Variants in CACNA2D3 observed in about 807,000 individuals in gnomAD.
CACNA2D3 encodes voltage-dependent calcium channel subunit alpha-2/delta-3.
A neutral mutation model predicts 160.6 loss-of-function variants in CACNA2D3; 60 were observed. The ratio of observed to expected loss-of-function variants is 0.37; its 90% confidence interval spans 0.30 to 0.46. CACNA2D3 has a LOEUF of 0.46. Among genes scored for constraint, CACNA2D3 ranks in the 20% least tolerant of loss-of-function variants. The pLI is 1.00. For missense variants in CACNA2D3, 1,205 were observed against 1,365.0 expected, an observed-to-expected ratio of 0.88 and a Z score of 1.85; for synonymous variants, 558 against 492.9, an observed-to-expected ratio of 1.13 and a Z score of -1.75.
At chr3:55,000,985 G>A (rs1324335592) in intron 31 of CACNA2D3, among the ~76,000 whole-genome samples, 1 of 152,174 alleles carries the variant, frequency 6.6e-6, no homozygotes, top group East Asian at 1.9e-4. Context: ...AATGATCTAT[G>A]TGAACTTGGG....
At chr3:54,912,501 C>G (rs1234456289) in intron 27 of CACNA2D3, among the ~76,000 whole-genome samples, 2 of 152,134 alleles carry the variant, frequency 1.3e-5, no homozygotes, top group African/African-American at 4.8e-5. Flanking sequence ...TCACACCAAC[C>G]TTGCTGCTAC....
chr3:55,073,875 GTTCCTGT>G lies in CACNA2D3; in HGVS notation c.3183+22_3183+28del. ...CCATCCTGAGGTAAGTCTGAGAACTGTTCCTGTTTCCTTTTCCCATCAGAATCACCAC... is the reference window on the plus strand; with the variant it reads ...CCATCCTGAGGTAAGTCTGAGAACTGTTCCTTTTCCCATCAGAATCACCAC... On this transcript the variant is annotated intron_variant, in intron 37 of 37. Transcript: ENST00000474759. 1 of 1,604,368 alleles carries G rather than the reference GTTCCTGT, an allele frequency of 6.2e-7. No homozygotes were observed.
intron 12 of CACNA2D3, among the ~76,000 whole-genome samples, chr3:54,753,978 TTCTG>T (rs1206260630): frequency 7.9e-5 from 12 of 152,270 alleles, no homozygotes; most frequent in Admixed American, 5.9e-4. Context: ...AACTCATTTC[TTCTG>T]TCTAACTGAA....
At chr3:54,279,000 T>G (rs1702810400) in intron 2 of CACNA2D3, among the ~76,000 whole-genome samples, 1 of 152,192 alleles carries the variant, frequency 6.6e-6, no homozygotes, top group African/African-American at 2.4e-5. Flanking sequence ...AACACCAGTA[T>G]TGACAGCCCA....
At chr3:54,612,888 C>T (rs1457299783) in intron 9 of CACNA2D3, among the ~76,000 whole-genome samples, 1 of 152,206 alleles carries the variant, frequency 6.6e-6, no homozygotes, top group Non-Finnish European at 1.5e-5. Flanking sequence ...CACAGTCCTA[C>T]ATTGCTGGGA....
chr3:55,054,554 GC>G (rs1575454802), intron 35 of CACNA2D3, among the ~76,000 whole-genome samples: 2 of 150,176 alleles, frequency 1.3e-5, no homozygotes, highest in East Asian at 3.9e-4. Flanking sequence ...CCTCAGTATA[GC>G]CACTTTCTAA....
At chr3:54,327,815 T>C (rs1704149469) in intron 3 of CACNA2D3, among the ~76,000 whole-genome samples, 1 of 152,186 alleles carries the variant, frequency 6.6e-6, no homozygotes, top group African/African-American at 2.4e-5. Context: ...TGTTTGTGCA[T>C]GAGTATATAG....
chr3:54,186,558 T>C (rs957087887), intron 2 of CACNA2D3, among the ~76,000 whole-genome samples: 39 of 152,178 alleles, frequency 2.6e-4, no homozygotes, highest in African/African-American at 8.9e-4. Flanking sequence ...TTAAGTGATA[T>C]AGACCTTTTT....
intron 4 of CACNA2D3, among the ~76,000 whole-genome samples, chr3:54,411,590 C>A (rs1450470339): frequency 1.3e-5 from 2 of 152,158 alleles, no homozygotes; most frequent in South Asian, 2.1e-4. Context: ...AGACATAATG[C>A]TATTGCACAC....
chr3:55,006,052 G>A (rs1447829674), intron 32 of CACNA2D3, among the ~76,000 whole-genome samples: 1 of 152,156 alleles, frequency 6.6e-6, no homozygotes, highest in Non-Finnish European at 1.5e-5. Flanking sequence ...CAACTAAAAT[G>A]AATATTTTGA....
At chr3:54,277,956 C>T (rs1462117707) in intron 2 of CACNA2D3, among the ~76,000 whole-genome samples, 3 of 151,426 alleles carry the variant, frequency 2.0e-5, no homozygotes, top group African/African-American at 7.3e-5. Context: ...CTTAAAACAC[C>T]AAAAGCAATG....
intron 21 of CACNA2D3, 53 bp from the exon 22 acceptor site, chr3:54,885,228 G>A: frequency 1.3e-6 from 2 of 1,591,898 alleles, no homozygotes; most frequent in Non-Finnish European, 8.6e-7. Context: ...GAAGCACACA[G>A]GAGGACTGGG....
intron 2 of CACNA2D3, among the ~76,000 whole-genome samples, chr3:54,288,131 G>A (rs1437755552): frequency 6.6e-6 from 1 of 152,004 alleles, no homozygotes; most frequent in Non-Finnish European, 1.5e-5. Context: ...AATGAATCCA[G>A]GAGCTGGTTT....
Position 54,689,949 on chromosome 3 carries a change from A to G in CACNA2D3, c.1167+47708A>G, listed in dbSNP as rs549385094. Among the ~76,000 whole-genome samples the G allele has an allele frequency of 1.4e-4, 22 of 152,172 alleles. 1 individual carries two copies. Among genetic ancestry groups the G allele is most frequent in the Middle Eastern group, 6.8e-3 (2 of 294 alleles). On this transcript the variant is annotated intron_variant, in intron 11 of 37. Coordinates refer to ENST00000474759, the MANE Select transcript of CACNA2D3 (RefSeq NM_018398.3). The stretch of plus-strand genomic sequence containing the variant: ...GAAGCTAGTTCCTTAGAAAAAACCC[A>G]TGTCTCTTTCCTTTCATTCATGTGT...
chr3:54,497,344 T>C (rs568234273), intron 4 of CACNA2D3, among the ~76,000 whole-genome samples: 3 of 152,072 alleles, frequency 2.0e-5, no homozygotes, highest in Non-Finnish European at 2.9e-5. Flanking sequence ...AATATACACC[T>C]ATTATAGTTT....
chr3:54,330,207 GAT>G (rs1036794867), intron 3 of CACNA2D3, among the ~76,000 whole-genome samples: 8 of 110,776 alleles, frequency 7.2e-5, no homozygotes, highest in African/African-American at 1.1e-4. Flanking sequence ...CTTTTTAATT[GAT>G]ATGTGTGTGT....
intron 9 of CACNA2D3, among the ~76,000 whole-genome samples, chr3:54,610,174 C>T (rs1393313915): frequency 2.6e-5 from 4 of 152,124 alleles, no homozygotes; most frequent in Admixed American, 2.6e-4. Flanking sequence ...CTCATATTAA[C>T]TTAATTAATT....
intron 12 of CACNA2D3, among the ~76,000 whole-genome samples, chr3:54,758,182 C>T (rs904294470): frequency 1.3e-5 from 2 of 152,154 alleles, no homozygotes; most frequent in African/African-American, 4.8e-5. Context: ...CAGGAGAAAC[C>T]ACAGCAAGGT....
chr3:54,754,058 A>G (rs745730116), intron 12 of CACNA2D3, among the ~76,000 whole-genome samples: 9 of 152,216 alleles, frequency 5.9e-5, no homozygotes, highest in African/African-American at 9.6e-5. Context: ...GCCTCGTTCA[A>G]TACTAGGACA....
Sources: gnomAD v4.1 joint callset for allele counts (sites outside exome capture counted in the v4.1 genomes callset) on GRCh38, gnomAD v4.1.1 for gene constraint, MANE v1.5 for transcripts, NCBI Gene and HGNC (gene_info 2026-07-23, HGNC 2026-07-21) for gene names.